The following SEZ6L variants were observed in gnomAD, a reference collection of about 807,000 sequenced individuals.
SEZ6L encodes the protein seizure related 6 homolog like, also known as seizure 6-like protein.
Under a neutral mutation model 106.2 loss-of-function variants are expected in SEZ6L, and 37 were observed. That is an observed-to-expected ratio of 0.35 (90% CI 0.27 to 0.46). SEZ6L has a LOEUF of 0.46. Ranked by LOEUF, SEZ6L falls within the 20% of genes least tolerant of loss-of-function variation. The pLI is 1.00. For synonymous variants in SEZ6L, 541 were observed against 570.4 expected (o/e 0.95, Z 0.73); for missense variants, 1,172 against 1,332.8 (o/e 0.88, Z 1.88).
At chr22:26,274,296 ATGGATATAGGACCT>A (rs1386160350) in intron 1 of SEZ6L, among the ~76,000 whole-genome samples, 1 of 151,982 alleles carries the variant, frequency 6.6e-6, no homozygotes, top group Non-Finnish European at 1.5e-5. Flanking sequence ...ATATAGGACC[ATGGATATAGGACCT>A]TGGATATAGG....
At chr22:26,343,673 A>G (rs2145996563) in intron 10 of SEZ6L, among the ~76,000 whole-genome samples, 1 of 152,354 alleles carries the variant, frequency 6.6e-6, no homozygotes, top group East Asian at 1.9e-4. Flanking sequence ...AGTCCCATTA[A>G]TAGACAATAC....
At chr22:26,339,417 G>T (rs2082752363) in intron 9 of SEZ6L, among the ~76,000 whole-genome samples, 1 of 152,184 alleles carries the variant, frequency 6.6e-6, no homozygotes, top group South Asian at 2.1e-4. Context: ...TTCAATTAGA[G>T]ATCAATTTTA....
chr22:26,191,285 T>C (rs1337499038), intron 1 of SEZ6L, among the ~76,000 whole-genome samples: 1 of 152,106 alleles, frequency 6.6e-6, no homozygotes, highest in Non-Finnish European at 1.5e-5. Context: ...TACATGCATG[T>C]GTATGCTCAA....
intron 9 of SEZ6L, among the ~76,000 whole-genome samples, chr22:26,326,089 C>T (rs1174153769): frequency 6.6e-6 from 1 of 152,198 alleles, no homozygotes; most frequent in Admixed American, 6.5e-5. Flanking sequence ...GTGGTGGTAA[C>T]TTGGAAACAC....
intron 1 of SEZ6L, among the ~76,000 whole-genome samples, chr22:26,184,819 G>A (rs183583402): frequency 6.6e-6 from 1 of 152,302 alleles, no homozygotes; most frequent in East Asian, 1.9e-4. Flanking sequence ...GGTGGCTCAC[G>A]CCTGTAATCC....
intron 14 of SEZ6L, among the ~76,000 whole-genome samples, chr22:26,374,615 C>T (rs1174328212): frequency 6.6e-6 from 1 of 152,144 alleles, no homozygotes; most frequent in Non-Finnish European, 1.5e-5. Context: ...ACGTTTTGTG[C>T]TCATGCATTT....
intron 1 of SEZ6L, among the ~76,000 whole-genome samples, chr22:26,278,221 C>G (rs55801993): frequency 6.6e-6 from 1 of 152,116 alleles, no homozygotes; most frequent in Admixed American, 6.5e-5. Context: ...GTGAGGGCCA[C>G]GCAAGAAGCA....
chr22:26,185,687 T>G (rs1158324285), intron 1 of SEZ6L, among the ~76,000 whole-genome samples: 1 of 152,182 alleles, frequency 6.6e-6, no homozygotes, highest in African/African-American at 2.4e-5. Context: ...ACCATTTATA[T>G]GCCAGGCATA....
chr22:26,174,234 G>A (rs539769059), intron 1 of SEZ6L, among the ~76,000 whole-genome samples: 3 of 152,268 alleles, frequency 2.0e-5, no homozygotes, highest in East Asian at 3.9e-4. Flanking sequence ...GGAGCACGTA[G>A]CATTTGAACT....
intron 13 of SEZ6L, 145 bp downstream of exon 13, chr22:26,365,711 C>CA (rs767584458): frequency 0.043 from 21,053 of 487,790 alleles, 9 homozygotes; most frequent in East Asian, 0.055. Flanking sequence ...CCATCTCTAC[C>CA]AAAAAAAAAA....
chr22:26,296,102 A>T (rs765999897), intron 3 of SEZ6L, among the ~76,000 whole-genome samples: 2 of 152,146 alleles, frequency 1.3e-5, no homozygotes, highest in Non-Finnish European at 2.9e-5. Flanking sequence ...AGGCATTGAG[A>T]CCTGACTAAA....
chr22:26,186,298 A>T (rs1478576944), intron 1 of SEZ6L, among the ~76,000 whole-genome samples: 2 of 152,250 alleles, frequency 1.3e-5, no homozygotes, highest in Non-Finnish European at 2.9e-5. Context: ...GGAAGTGGGC[A>T]AATGAAGTTA....
chr22:26,343,564 C>A (rs1013501990), intron 10 of SEZ6L, among the ~76,000 whole-genome samples: 8 of 152,108 alleles, frequency 5.3e-5, no homozygotes, highest in Non-Finnish European at 1.2e-4. Context: ...CATAAAAAAT[C>A]CCTTGACACC....
chr22:26,266,550 G>T (rs2080190932), intron 1 of SEZ6L, among the ~76,000 whole-genome samples: 1 of 151,360 alleles, frequency 6.6e-6, no homozygotes, highest in East Asian at 1.9e-4. Context: ...TCCCGCCTGG[G>T]CAAAAGAGCG....
At chr22:26,300,873 T>C (rs190695796) in intron 5 of SEZ6L, among the ~76,000 whole-genome samples, 94 of 152,398 alleles carry the variant, frequency 6.2e-4, no homozygotes, top group Non-Finnish European at 1.1e-3. Flanking sequence ...TAGACCCTTA[T>C]CAGATAAGTG....
intron 9 of SEZ6L, among the ~76,000 whole-genome samples, chr22:26,321,872 C>T (rs1264201716): frequency 6.6e-6 from 1 of 152,080 alleles, no homozygotes; most frequent in Non-Finnish European, 1.5e-5. Context: ...ACGTAAGCCA[C>T]ATTTCCCAGG....
At chr22:26,263,690 G>A (rs940923532) in intron 1 of SEZ6L, among the ~76,000 whole-genome samples, 1 of 152,182 alleles carries the variant, frequency 6.6e-6, no homozygotes, top group East Asian at 1.9e-4. Context: ...GGGCAAATCT[G>A]ATCTTCCCAA....
At chr22:26,221,740 GCACACACACACA>G (rs3222745) in intron 1 of SEZ6L, among the ~76,000 whole-genome samples, 2,472 of 149,394 alleles carry the variant, frequency 0.017, 62 homozygotes, top group African/African-American at 0.058. Flanking sequence ...GCACACGCGT[GCACACACACACA>G]CACACACACA....
At chr22:26,374,495 T>G (rs898752832) in intron 14 of SEZ6L, among the ~76,000 whole-genome samples, 1 of 152,234 alleles carries the variant, frequency 6.6e-6, no homozygotes, top group Non-Finnish European at 1.5e-5. Context: ...CAGAGGGCAC[T>G]TCGTGTTAGT....
Sources: gnomAD v4.1 joint callset for allele counts (sites outside exome capture counted in the v4.1 genomes callset) on GRCh38, gnomAD v4.1.1 for gene constraint, MANE v1.5 for transcripts, NCBI Gene and HGNC (gene_info 2026-07-23, HGNC 2026-07-21) for gene names.